The following BMP2K variants were observed in gnomAD, a reference collection of about 807,000 sequenced individuals.
BMP2K encodes BMP2 inducible kinase.
In BMP2K, 74 loss-of-function variants were observed where a neutral mutation model predicts 116.0. The observed-to-expected ratio is 0.64, with a 90% CI of 0.53 to 0.77. BMP2K has a LOEUF of 0.77. BMP2K is among the 30% of genes least tolerant of loss of function. BMP2K has a pLI of 0.00. For missense variants in BMP2K, 1,365 were observed against 1,403.6 expected, an observed-to-expected ratio of 0.97 and a Z score of 0.44; for synonymous variants, 486 against 502.5, an observed-to-expected ratio of 0.97 and a Z score of 0.44.
intron 15 of BMP2K, among the ~76,000 whole-genome samples, chr4:78,896,820 C>A (rs1733730120): frequency 6.6e-6 from 1 of 152,096 alleles, no homozygotes; most frequent in Admixed American, 6.5e-5. Flanking sequence ...TATTGAATAT[C>A]CTTACACATG....
Position 78,841,607 on chromosome 4 carries a change from G to A in BMP2K, c.404-778G>A, listed in dbSNP as rs555693393. On this transcript the variant is annotated intron_variant, in intron 3 of 15. Coordinates refer to ENST00000502613, the MANE Select transcript of BMP2K (RefSeq NM_198892.2). Reference sequence around the variant, plus strand: ...AAAGTCAGATGAGGAAGTTTCTTTGGCTCTTGAGATAGAATTTAAAGTATG... The same window carrying A: ...AAAGTCAGATGAGGAAGTTTCTTTGACTCTTGAGATAGAATTTAAAGTATG... Among the ~76,000 whole-genome samples, 16 of 152,084 alleles carry A rather than the reference G, an allele frequency of 1.1e-4. No homozygotes were observed. The South Asian group carries it at 3.3e-3, about 32-fold the overall frequency.
intron 13 of BMP2K, 73 bp from the exon 14 acceptor site, chr4:78,878,661 A>G (rs893745684): frequency 3.2e-5 from 38 of 1,185,528 alleles, no homozygotes; most frequent in Non-Finnish European, 4.4e-5. Context: ...AGTATAAAGT[A>G]GGGCATTGTA....
At position 78,859,475 on chromosome 4, in the gene BMP2K, G is replaced by T. The variant is rs78437106; in HGVS notation, c.884-109G>T. The T allele has an allele frequency of 5.4e-5, 35 of 644,562 alleles. No homozygotes were observed. In the East Asian group the frequency reaches 1.0e-3, roughly 19 times the overall value. The allele number at this position is 644,562 out of a possible 1,614,324, so 39.9% of individuals were successfully genotyped here. A position where few individuals can be genotyped will look rare whatever the true frequency, so the allele number is the denominator to read the frequency against. ...AATAAAGTTTGCTAGAATCATCACT[G>T]ATCTTAGAGTGGAACAGAAAATACA... is the stretch of plus-strand genomic sequence containing the variant. On this transcript the variant is annotated intron_variant, in intron 7 of 15. Transcript: ENST00000502613.
intron 1 of BMP2K, among the ~76,000 whole-genome samples, chr4:78,807,719 C>G (rs183230676): frequency 6.6e-6 from 1 of 150,790 alleles, no homozygotes; most frequent in Non-Finnish European, 1.5e-5. Flanking sequence ...ATTATTAACC[C>G]TATAATTGCC....
At chr4:78,860,792 T>G (rs1252593932) in intron 8 of BMP2K, among the ~76,000 whole-genome samples, 4 of 118,404 alleles carry the variant, frequency 3.4e-5, no homozygotes, top group Non-Finnish European at 5.1e-5. Context: ...TTTTTTTTTT[T>G]TGTGAAGCCC....
In BMP2K at chr4:78,911,295, G is replaced by T. The variant is rs779747644; in HGVS notation, c.2748G>T (p.Gly916=). ...KVNVQECHAV[G]PEAHTIPGYP... ...ATGTACAAGAATGCCATGCAGTGGG[G>T]CCTGAGGCACATACTATCCCTGGTT... Residue 916 remains glycine, a synonymous_variant, in exon 16 of 16, where the codon GGG becomes GGT. Transcript: ENST00000502613. The T allele has an allele frequency of 6.2e-7, 1 of 1,613,980 alleles. No individual in the cohort carries two copies. Among genetic ancestry groups the T allele is most frequent in the African/African-American group, 1.3e-5 (1 of 75,060 alleles).
chr4:78,789,218 A>G (rs1727888018), intron 1 of BMP2K, among the ~76,000 whole-genome samples: 1 of 152,210 alleles, frequency 6.6e-6, no homozygotes, highest in Non-Finnish European at 1.5e-5. Flanking sequence ...TAACCATGAG[A>G]AAATGGAGTA....
At chr4:78,900,342 C>T (rs1733932231) in intron 15 of BMP2K, among the ~76,000 whole-genome samples, 1 of 152,176 alleles carries the variant, frequency 6.6e-6, no homozygotes, top group African/African-American at 2.4e-5. Flanking sequence ...AAAAGTTACA[C>T]ATGGATTTTT....
At chr4:78,907,884 A>G (rs1734366835) in intron 15 of BMP2K, among the ~76,000 whole-genome samples, 1 of 152,128 alleles carries the variant, frequency 6.6e-6, no homozygotes, top group African/African-American at 2.4e-5. Context: ...GTGGGTGGGT[A>G]TGCAGCTCGA....
chr4:78,908,883 A>G (rs1489420936), intron 15 of BMP2K, among the ~76,000 whole-genome samples: 2 of 151,854 alleles, frequency 1.3e-5, no homozygotes, highest in Admixed American at 1.3e-4. Flanking sequence ...CACGCCACTC[A>G]TTCTTTTCTT....
In BMP2K at chr4:78,873,148, A is replaced by G. The variant is rs544064685; in HGVS notation, c.1793+350A>G. 6.6e-5 allele frequency among the ~76,000 whole-genome samples: 10 copies of G among 152,304 alleles called. No individual in the cohort carries two copies. The South Asian group carries it at 1.2e-3, about 19-fold the overall frequency. ...AAAAAAATCCTTGTAGACTTTCTCT[A>G]TTTACATGTTATTACCTTTGATTAA... On this transcript the variant is annotated intron_variant, in intron 13 of 15. Coordinates refer to ENST00000502613, the MANE Select transcript of BMP2K (RefSeq NM_198892.2).
At chr4:78,862,236 A>T (rs140816673) in intron 9 of BMP2K, among the ~76,000 whole-genome samples, 1 of 151,620 alleles carries the variant, frequency 6.6e-6, no homozygotes, top group East Asian at 1.9e-4. Context: ...AAACACAAAG[A>T]AAAAAAAAGC....
At chr4:78,887,153 C>A in intron 14 of BMP2K, 21 bp from the exon 15 acceptor site, 1 of 1,414,016 alleles carries the variant, frequency 7.1e-7, no homozygotes, top group Non-Finnish European at 9.8e-7. Context: ...TTTTTTATTT[C>A]GTTTCATCTT....
At chr4:78,897,256 A>G (rs1250940393) in intron 15 of BMP2K, among the ~76,000 whole-genome samples, 2 of 152,118 alleles carry the variant, frequency 1.3e-5, no homozygotes, top group Non-Finnish European at 2.9e-5. Flanking sequence ...ATCTTGGGGA[A>G]AAGTGCAGCT....
At chr4:78,868,573 C>T (rs865983047) in intron 10 of BMP2K, among the ~76,000 whole-genome samples, 3 of 152,158 alleles carry the variant, frequency 2.0e-5, no homozygotes, top group African/African-American at 7.2e-5. Flanking sequence ...CCAAGGTCTC[C>T]TCTGAGACAG....
rs979078303 is a variant in BMP2K, at chr4:78,802,256, T to G, written c.179-23781T>G. Among the ~76,000 whole-genome samples the G allele has an allele frequency of 1.5e-4, 23 of 152,324 alleles. No individual in the cohort carries two copies. In the Middle Eastern group the frequency reaches 0.014, roughly 90 times the overall value. The stretch of plus-strand genomic sequence containing the variant: ...ATGTGGTGATCCCAGTGTGACCTTC[T>G]TACTCTTATGTTGGCCTTTGGCTGT... On this transcript the variant is annotated intron_variant, in intron 1 of 15. Transcript: ENST00000502613.
rs1731220140 is a variant in BMP2K, at chr4:78,850,921, C to T, written c.751-3C>T. The T allele has an allele frequency of 1.9e-6, 3 of 1,610,278 alleles. No individual in the cohort carries two copies. Among genetic ancestry groups the T allele is most frequent in the African/African-American group, 1.3e-5 (1 of 74,696 alleles). The stretch of plus-strand genomic sequence containing the variant: ...ATGATATTTATGCTTCTTTGGTTTA[C>T]AGGCACTGGGATGTCTACTCTATAA... On this transcript the variant is annotated splice_polypyrimidine_tract_variant and splice_region_variant and intron_variant, in intron 6 of 15. Transcript: ENST00000502613.
intron 10 of BMP2K, among the ~76,000 whole-genome samples, chr4:78,868,472 C>T (rs932274700): frequency 2.0e-5 from 3 of 152,158 alleles, no homozygotes; most frequent in African/African-American, 7.2e-5. Context: ...CCCTCCAAAT[C>T]TCATGTCCTC....
chr4:78,873,330 C>T (rs914465833), intron 13 of BMP2K, among the ~76,000 whole-genome samples: 1 of 152,074 alleles, frequency 6.6e-6, no homozygotes, highest in Non-Finnish European at 1.5e-5. Flanking sequence ...TGGTTAGTAG[C>T]GTTATAAATT....
Sources: gnomAD v4.1 joint callset for allele counts (sites outside exome capture counted in the v4.1 genomes callset) on GRCh38, gnomAD v4.1.1 for gene constraint, MANE v1.5 for transcripts, NCBI Gene and HGNC (gene_info 2026-07-23, HGNC 2026-07-21) for gene names.